The following ACVR1C variants were observed in gnomAD, a reference collection of about 807,000 sequenced individuals.
ACVR1C encodes the protein activin receptor type-1C.
A neutral mutation model predicts 57.9 loss-of-function variants in ACVR1C; 23 were observed. The observed-to-expected ratio is 0.40, with a 90% CI of 0.29 to 0.56. The LOEUF (loss-of-function observed/expected upper bound fraction) is 0.56. Among genes scored for constraint, ACVR1C ranks in the 20% least tolerant of loss-of-function variants. ACVR1C has a pLI of 0.50. For missense variants in ACVR1C, 480 were observed against 607.9 expected, an observed-to-expected ratio of 0.79 and a Z score of 2.21; for synonymous variants, 214 against 215.3, an observed-to-expected ratio of 0.99 and a Z score of 0.05.
intron 2 of ACVR1C, among the ~76,000 whole-genome samples, chr2:157,562,568 C>T (rs1475435198): frequency 6.6e-6 from 1 of 151,772 alleles, no homozygotes; most frequent in Non-Finnish European, 1.5e-5. Context: ...ACCATTCCTT[C>T]TGAAACTATT....
chr2:157,539,368 C>T, intron 7 of ACVR1C, among the ~76,000 whole-genome samples: 1 of 152,230 alleles, frequency 6.6e-6, no homozygotes, highest in African/African-American at 2.4e-5. Context: ...CAAAGACGAC[C>T]TCAATTATTA....
At chr2:157,627,949 G>A (rs963847516) in intron 1 of ACVR1C, among the ~76,000 whole-genome samples, 1 of 152,204 alleles carries the variant, frequency 6.6e-6, no homozygotes, top group African/African-American at 2.4e-5. Flanking sequence ...ACTCTGGGGC[G>A]CTTGCCAGAA....
chr2:157,593,730 T>C (rs915391173), intron 1 of ACVR1C, among the ~76,000 whole-genome samples: 8 of 152,306 alleles, frequency 5.3e-5, no homozygotes, highest in African/African-American at 1.7e-4. Context: ...TTCTATTCCT[T>C]GTCAAAATTT....
chr2:157,620,591 T>A (rs977421581), intron 1 of ACVR1C, among the ~76,000 whole-genome samples: 17 of 152,238 alleles, frequency 1.1e-4, no homozygotes, highest in South Asian at 6.2e-4. Flanking sequence ...TTAAAAAAAA[T>A]TTATATTTGT....
chr2:157,626,215 C>T (rs534740015), intron 1 of ACVR1C, among the ~76,000 whole-genome samples: 4 of 152,318 alleles, frequency 2.6e-5, no homozygotes, highest in African/African-American at 9.6e-5. Flanking sequence ...GCAATCCTCA[C>T]ACCTCGGCCT....
At chr2:157,535,829 T>C (rs559300935) in intron 8 of ACVR1C, among the ~76,000 whole-genome samples, 1 of 152,108 alleles carries the variant, frequency 6.6e-6, no homozygotes, top group South Asian at 2.1e-4. Context: ...TGGACTAGAG[T>C]TCAGGAGAGC....
chr2:157,592,411 A>C (rs1351424286), intron 1 of ACVR1C, among the ~76,000 whole-genome samples: 1 of 152,116 alleles, frequency 6.6e-6, no homozygotes, highest in African/African-American at 2.4e-5. Context: ...ATATAGACAT[A>C]GGTGATATAG....
chr2:157,537,057 C>T (rs537163304), intron 8 of ACVR1C, among the ~76,000 whole-genome samples: 1 of 152,200 alleles, frequency 6.6e-6, no homozygotes, highest in East Asian at 1.9e-4. Flanking sequence ...ATTATAGCTA[C>T]ACATATATAA....
intron 1 of ACVR1C, among the ~76,000 whole-genome samples, chr2:157,610,044 T>C (rs1247423031): frequency 6.6e-6 from 1 of 152,134 alleles, no homozygotes; most frequent in African/African-American, 2.4e-5. Flanking sequence ...CCTTTCTTTT[T>C]CTCTTAATAT....
chr2:157,623,211 A>ATT (rs1682824922), intron 1 of ACVR1C, among the ~76,000 whole-genome samples: 1 of 152,210 alleles, frequency 6.6e-6, no homozygotes, highest in East Asian at 1.9e-4. Flanking sequence ...GTTCCTCAAA[A>ATT]AATTAAAACT....
chr2:157,561,039 G>T (rs13396013), intron 2 of ACVR1C, among the ~76,000 whole-genome samples: 6,065 of 152,268 alleles, frequency 0.04, 195 homozygotes, highest in African/African-American at 0.093. Context: ...GGAGTGAAGA[G>T]ATATGTGCTG....
intron 1 of ACVR1C, among the ~76,000 whole-genome samples, chr2:157,598,724 G>C (rs1463571838): frequency 6.6e-6 from 1 of 151,858 alleles, no homozygotes; most frequent in Non-Finnish European, 1.5e-5. Context: ...TTTTAGTAGA[G>C]GCAGGGTTTC....
intron 1 of ACVR1C, among the ~76,000 whole-genome samples, chr2:157,626,321 C>A (rs1397535642): frequency 6.6e-6 from 1 of 152,200 alleles, no homozygotes; most frequent in East Asian, 1.9e-4. Flanking sequence ...TTCTAAGTCT[C>A]TACCAGCTGT....
At chr2:157,559,416 GA>G (rs1023222451) in intron 2 of ACVR1C, among the ~76,000 whole-genome samples, 11 of 146,674 alleles carry the variant, frequency 7.5e-5, no homozygotes, top group East Asian at 3.9e-4. Flanking sequence ...GGGGATAAAT[GA>G]AAAAAAAAAC....
At chr2:157,606,096 C>G (rs761975277) in intron 1 of ACVR1C, among the ~76,000 whole-genome samples, 17 of 151,742 alleles carry the variant, frequency 1.1e-4, no homozygotes, top group Non-Finnish European at 2.4e-4. Flanking sequence ...ACAAAATGAC[C>G]TCCAGTTCCA....
chr2:157,590,503 C>T (rs1192805527), intron 1 of ACVR1C, among the ~76,000 whole-genome samples: 5 of 151,846 alleles, frequency 3.3e-5, no homozygotes, highest in African/African-American at 1.2e-4. Context: ...AGCATCATTT[C>T]TAGAAACATT....
intron 4 of ACVR1C, among the ~76,000 whole-genome samples, chr2:157,545,880 T>C (rs1051690654): frequency 1.3e-5 from 2 of 152,178 alleles, no homozygotes; most frequent in African/African-American, 4.8e-5. Context: ...GTTCAAGCAA[T>C]TCTCCTGCCC....
At chr2:157,594,371 T>C (rs918664807) in intron 1 of ACVR1C, among the ~76,000 whole-genome samples, 4 of 149,064 alleles carry the variant, frequency 2.7e-5, no homozygotes, top group Non-Finnish European at 4.5e-5. Context: ...TGTGTCACAA[T>C]TCTCAATATA....
At chr2:157,614,225 G>A (rs946985993) in intron 1 of ACVR1C, among the ~76,000 whole-genome samples, 2 of 152,088 alleles carry the variant, frequency 1.3e-5, no homozygotes, top group Non-Finnish European at 2.9e-5. Flanking sequence ...TCTAACATCA[G>A]TAATTTGTGT....
Sources: gnomAD v4.1 joint callset for allele counts (sites outside exome capture counted in the v4.1 genomes callset) on GRCh38, gnomAD v4.1.1 for gene constraint, MANE v1.5 for transcripts, NCBI Gene and HGNC (gene_info 2026-07-23, HGNC 2026-07-21) for gene names.